Variants in KIAA0319L observed in about 807,000 individuals in gnomAD.
KIAA0319L encodes dyslexia-associated protein KIAA0319-like protein.
KIAA0319L carries 55 observed loss-of-function variants against 120.1 expected under a neutral mutation model. The observed-to-expected ratio is 0.46, with a 90% CI of 0.37 to 0.57. KIAA0319L has a LOEUF of 0.57. Among genes scored for constraint, KIAA0319L ranks in the 20% least tolerant of loss-of-function variants. KIAA0319L has a pLI of 0.00. For missense variants in KIAA0319L, 1,049 were observed against 1,255.3 expected, an observed-to-expected ratio of 0.84 and a Z score of 2.48; for synonymous variants, 398 against 471.9, an observed-to-expected ratio of 0.84 and a Z score of 2.03.
chr1:35,442,266 A>C lies in KIAA0319L; in HGVS notation c.2850T>G (p.Thr950=), dbSNP rs372041874. The C allele has an allele frequency of 6.2e-7, 1 of 1,612,934 alleles. No homozygotes were observed. Among genetic ancestry groups the C allele is most frequent in the Non-Finnish European group, 8.5e-7 (1 of 1,178,970 alleles). ...IVVALGILSW[T]VICCCKRQKG... The stretch of plus-strand genomic sequence containing the variant: ...CTTACCTCTTACAACAACAGATCAC[A>C]GTCCAAGACAGGATTCCCAAGGCAA... Residue 950 remains threonine (T), a synonymous_variant, in exon 19 of 21, where the codon ACT becomes ACG. Transcript: ENST00000325722.
At chr1:35,552,891 G>A (rs1289397915) in intron 2 of KIAA0319L, among the ~76,000 whole-genome samples, 1 of 152,072 alleles carries the variant, frequency 6.6e-6, no homozygotes, top group Non-Finnish European at 1.5e-5. Context: ...GGCCAACATG[G>A]CAAAACTCTA....
At chr1:35,435,424 G>A (rs1000516681) in intron 20 of KIAA0319L, 2 of 203,218 alleles carry the variant, frequency 9.8e-6, no homozygotes, top group East Asian at 1.4e-4. Context: ...CCCTCTATGG[G>A]TGGAATGACA....
chr1:35,538,435 A>G (rs1558638956), intron 2 of KIAA0319L, among the ~76,000 whole-genome samples: 1 of 151,796 alleles, frequency 6.6e-6, no homozygotes, highest in African/African-American at 2.4e-5. Context: ...TACTATAAAT[A>G]CAAAAATCAG....
At chr1:35,538,353 G>A (rs1299299170) in intron 2 of KIAA0319L, among the ~76,000 whole-genome samples, 1 of 152,048 alleles carries the variant, frequency 6.6e-6, no homozygotes, top group Non-Finnish European at 1.5e-5. Flanking sequence ...CACTTTGGGA[G>A]GCCGAGGCTG....
chr1:35,472,803 T>A (rs1570727140), intron 5 of KIAA0319L, among the ~76,000 whole-genome samples: 1 of 150,518 alleles, frequency 6.6e-6, no homozygotes, highest in Admixed American at 6.6e-5. Context: ...TTTTTTTTTT[T>A]AATGAGATGG....
chr1:35,472,898 C>T (rs1643712607), intron 5 of KIAA0319L, among the ~76,000 whole-genome samples: 1 of 149,662 alleles, frequency 6.7e-6, no homozygotes, highest in Admixed American at 6.7e-5. Flanking sequence ...AAGCAATTCT[C>T]AAGCCTCAAC....
intron 14 of KIAA0319L, 22 bp from the exon 15 acceptor site, chr1:35,450,027 C>G (rs1221713530): frequency 3.7e-6 from 6 of 1,613,486 alleles, no homozygotes; most frequent in Non-Finnish European, 5.1e-6. Flanking sequence ...AACAACATGG[C>G]TATGTTACAG....
intron 2 of KIAA0319L, among the ~76,000 whole-genome samples, chr1:35,512,409 A>C (rs1645488067): frequency 6.6e-6 from 1 of 152,052 alleles, no homozygotes; most frequent in Admixed American, 6.5e-5. Context: ...CCCCAAAGTA[A>C]GTAAAGGAAA....
intron 2 of KIAA0319L, among the ~76,000 whole-genome samples, chr1:35,518,167 C>A (rs543011566): frequency 6.6e-6 from 1 of 152,278 alleles, no homozygotes; most frequent in Admixed American, 6.5e-5. Context: ...GGCAATTCCT[C>A]AAAGAGCTAA....
chr1:35,448,375 G>T, intron 15 of KIAA0319L, 43 bp from the exon 16 acceptor site: 1 of 1,576,294 alleles, frequency 6.3e-7, no homozygotes, highest in Non-Finnish European at 8.7e-7. Flanking sequence ...AAGTAGGAGA[G>T]TAAACACAGA....
At chr1:35,497,191 TG>T (rs941037218) in intron 3 of KIAA0319L, among the ~76,000 whole-genome samples, 1 of 148,958 alleles carries the variant, frequency 6.7e-6, no homozygotes, top group Non-Finnish European at 1.5e-5. Context: ...AGGGAAGTTT[TG>T]GGGGGGTGAT....
chr1:35,489,958 G>A (rs1644531510), intron 3 of KIAA0319L, among the ~76,000 whole-genome samples: 1 of 151,634 alleles, frequency 6.6e-6, no homozygotes, highest in South Asian at 2.1e-4. Flanking sequence ...GAGCCACCAT[G>A]CCTGGCTTTT....
chr1:35,483,234 T>C (rs1453962137), intron 3 of KIAA0319L, among the ~76,000 whole-genome samples: 1 of 152,230 alleles, frequency 6.6e-6, no homozygotes, highest in African/African-American at 2.4e-5. Flanking sequence ...TTAACAAAAA[T>C]TTGTAATTTT....
intron 2 of KIAA0319L, among the ~76,000 whole-genome samples, chr1:35,538,050 G>T (rs762564432): frequency 2.0e-5 from 3 of 152,060 alleles, no homozygotes; most frequent in Non-Finnish European, 4.4e-5. Context: ...TATAAAACAG[G>T]GTTCAGCTAT....
At chr1:35,484,643 AT>A (rs1212069775) in intron 3 of KIAA0319L, among the ~76,000 whole-genome samples, 1 of 151,230 alleles carries the variant, frequency 6.6e-6, no homozygotes, top group African/African-American at 2.4e-5. Context: ...TTTTTCTTGC[AT>A]TATAATTGGC....
intron 12 of KIAA0319L, among the ~76,000 whole-genome samples, chr1:35,452,371 G>C (rs1007682193): frequency 4.6e-5 from 7 of 152,202 alleles, no homozygotes. Context: ...TGGCCTCAGA[G>C]ACTTGCCTGC....
At chr1:35,553,883 G>A (rs551764816) in intron 2 of KIAA0319L, among the ~76,000 whole-genome samples, 1 of 152,200 alleles carries the variant, frequency 6.6e-6, no homozygotes, top group East Asian at 1.9e-4. Flanking sequence ...AGTAAGGAAC[G>A]CATTTTTCCC....
At chr1:35,499,070 G>C (rs1370793140) in intron 3 of KIAA0319L, among the ~76,000 whole-genome samples, 1 of 152,166 alleles carries the variant, frequency 6.6e-6, no homozygotes, top group South Asian at 2.1e-4. Context: ...TCTTCTGAGA[G>C]TCTCCTTAGA....
chr1:35,457,422 CA>C (rs1406659848), intron 9 of KIAA0319L, among the ~76,000 whole-genome samples: 3 of 148,156 alleles, frequency 2.0e-5, no homozygotes, highest in Non-Finnish European at 3.0e-5. Context: ...TCCAGTAAGG[CA>C]GGAGCTTGAG....
Sources: allele counts gnomAD v4.1 joint callset (sites outside exome capture counted in the v4.1 genomes callset), GRCh38; gene constraint gnomAD v4.1.1; transcripts MANE v1.5; gene names NCBI Gene and HGNC (gene_info 2026-07-23, HGNC 2026-07-21).